Variants in MKNK1 observed in about 807,000 individuals in gnomAD.
MKNK1 encodes the protein MAP kinase-interacting serine/threonine-protein kinase 1.
A neutral mutation model predicts 49.3 loss-of-function variants in MKNK1; 30 were observed. The observed-to-expected ratio is 0.61, with a 90% CI of 0.46 to 0.83. The LOEUF is 0.83. MKNK1 is among the 40% of genes least tolerant of loss of function. The pLI is 0.00. For synonymous variants in MKNK1, 176 were observed against 201.7 expected (o/e 0.87, Z 1.08); for missense variants, 423 against 524.7 (o/e 0.81, Z 1.89).
At chr1:46,566,600 C>T (rs1387916110) in intron 8 of MKNK1, among the ~76,000 whole-genome samples, 1 of 152,236 alleles carries the variant, frequency 6.6e-6, no homozygotes, top group African/African-American at 2.4e-5. Context: ...TATAATCTCA[C>T]CAGCAATGTA....
chr1:46,559,093 C>T (rs1667469898), intron 12 of MKNK1, among the ~76,000 whole-genome samples: 1 of 152,206 alleles, frequency 6.6e-6, no homozygotes, highest in South Asian at 2.1e-4. Flanking sequence ...ACAGGTCTAC[C>T]AGAGGCAGAG....
At position 46,604,194 on chromosome 1, in the gene MKNK1, C is replaced by A. The variant is rs1413059198; in HGVS notation, c.-180G>T. 1 of 152,312 alleles carries A rather than the reference C, an allele frequency of 6.6e-6. No homozygotes were observed. Among genetic ancestry groups the A allele is most frequent in the Non-Finnish European group, 1.5e-5 (1 of 68,094 alleles). 9.4% of individuals were successfully genotyped at this position (152,312 alleles called of 1,614,324 possible). On this transcript the variant is annotated 5_prime_UTR_variant, in exon 1 of 13. Transcript: ENST00000371945. Reference sequence around the variant, plus strand: ...CAGGTCTCGCTTTTACCTTCGCTGGCTCCCGCCGGGGAGCGGTCGCGCGCA... The same window carrying A: ...CAGGTCTCGCTTTTACCTTCGCTGGATCCCGCCGGGGAGCGGTCGCGCGCA...
chr1:46,566,231 T>G (rs1669038400), intron 8 of MKNK1, among the ~76,000 whole-genome samples: 1 of 152,248 alleles, frequency 6.6e-6, no homozygotes, highest in Non-Finnish European at 1.5e-5. Context: ...AGATATTTCA[T>G]ATAAGTAGAT....
At position 46,594,177 on chromosome 1, in the gene MKNK1, G is replaced by T; in HGVS notation, c.-67C>A. The T allele has an allele frequency of 6.2e-7, 1 of 1,602,470 alleles. No homozygotes were observed. On this transcript the variant is annotated 5_prime_UTR_variant, in exon 2 of 13. Transcript: ENST00000371945. ...AACTTGAAATCCCAAATGAAATAAA[G>T]CTCCTGTCAGGAAGTTGGTGTCTTC... is the stretch of plus-strand genomic sequence containing the variant.
At chr1:46,581,198 T>C (rs1431948472) in intron 3 of MKNK1, among the ~76,000 whole-genome samples, 2 of 147,784 alleles carry the variant, frequency 1.4e-5, no homozygotes, top group Non-Finnish European at 3.0e-5. Context: ...AAAAAAAAAG[T>C]TGGGGGAAGA....
chr1:46,587,507 C>T (rs1672743402), intron 2 of MKNK1, among the ~76,000 whole-genome samples: 1 of 152,190 alleles, frequency 6.6e-6, no homozygotes, highest in Non-Finnish European at 1.5e-5. Flanking sequence ...CCCTGTCTAC[C>T]TCACAGGTTG....
chr1:46,588,698 T>G (rs1672926282), intron 2 of MKNK1, among the ~76,000 whole-genome samples: 1 of 151,496 alleles, frequency 6.6e-6, no homozygotes, highest in African/African-American at 2.4e-5. Context: ...TCCCAGCTAT[T>G]CGGGAGGCTG....
In MKNK1 at chr1:46,589,586, G is replaced by A. The variant is rs969573415; in HGVS notation, c.-3+4527C>T. Among the ~76,000 whole-genome samples the A allele has an allele frequency of 7.2e-5, 11 of 152,152 alleles. No homozygotes were observed. The highest frequency in any genetic ancestry group is 2.2e-4 in the African/African-American group (9 of 41,426). On this transcript the variant is annotated intron_variant, in intron 2 of 12. Coordinates refer to ENST00000371945, the MANE Select transcript of MKNK1 (RefSeq NM_001135553.4). The surrounding 1 kb of genome is among the most constrained non-coding windows in gnomAD (Gnocchi z 4.3). The stretch of plus-strand genomic sequence containing the variant: ...CTCTTTGTAAAACCTGTGAGTGAAC[G>A]AGCACTGATGGTACTGAAGGTATAG...
intron 6 of MKNK1, 28 bp from the exon 7 acceptor site, chr1:46,572,195 T>G (rs767591632): frequency 2.5e-6 from 4 of 1,595,516 alleles, no homozygotes; most frequent in Non-Finnish European, 3.4e-6. Flanking sequence ...CATAGAAGAA[T>G]GCCTTTTTGG....
In MKNK1 at chr1:46,572,097, G is replaced by A. The variant is rs549086017; in HGVS notation, c.423C>T (p.Asp141=). Residue 141 remains aspartate (D), a synonymous_variant, in exon 7 of 13, where the codon GAC becomes GAT. Transcript: ENST00000371945. ...NEREASRVVR[D]VAAALDFLHT... is the part of the protein sequence containing the mutation. ...GCAGGAAGTCAAGGGCAGCAGCAAC[G>A]TCCCGCACCACTCGGCTGGCTTCTC... is the stretch of plus-strand genomic sequence containing the variant. 4.3e-6 allele frequency: 7 copies of A among 1,614,052 alleles called. No individual in the cohort carries two copies. Among genetic ancestry groups the A allele is most frequent in the Admixed American group, 1.7e-5 (1 of 60,008 alleles).
chr1:46,568,593 A>G (rs1669518802), intron 7 of MKNK1, 95 bp from the exon 8 acceptor site: 4 of 1,195,158 alleles, frequency 3.3e-6, no homozygotes, highest in Non-Finnish European at 2.5e-6. Context: ...TGTAGTTCGC[A>G]GATTAATTCC....
intron 3 of MKNK1, 90 bp downstream of exon 3, chr1:46,583,138 G>T: frequency 1.0e-6 from 1 of 964,776 alleles, no homozygotes; most frequent in Non-Finnish European, 1.7e-6. Context: ...CTAACTTGAC[G>T]CATTCTGTGA....
chr1:46,572,872 G>C, intron 6 of MKNK1, among the ~76,000 whole-genome samples: 1 of 152,192 alleles, frequency 6.6e-6, no homozygotes, highest in East Asian at 1.9e-4. Flanking sequence ...CCAAACAAGA[G>C]CACAAACTTT....
At chr1:46,591,655 C>G (rs934202673) in intron 2 of MKNK1, among the ~76,000 whole-genome samples, 1 of 152,160 alleles carries the variant, frequency 6.6e-6, no homozygotes, top group Non-Finnish European at 1.5e-5. Flanking sequence ...GCCCACGAGG[C>G]TCTCCAACCC....
chr1:46,586,470 C>T (rs1368284996), intron 2 of MKNK1, among the ~76,000 whole-genome samples: 1 of 152,184 alleles, frequency 6.6e-6, no homozygotes, highest in Non-Finnish European at 1.5e-5. Context: ...TTTATTTGGC[C>T]TTGAGTGCTC....
At chr1:46,587,386 G>A (rs573079838) in intron 2 of MKNK1, among the ~76,000 whole-genome samples, 1 of 152,210 alleles carries the variant, frequency 6.6e-6, no homozygotes, top group African/African-American at 2.4e-5. Flanking sequence ...GGCATCAGGC[G>A]AGCAAGGCAG....
chr1:46,568,755 C>T, intron 7 of MKNK1: 1 of 501,382 alleles, frequency 2.0e-6, no homozygotes, highest in Non-Finnish European at 3.6e-6. Context: ...TCCCAGCCAG[C>T]CTACCCCTCA....
chr1:46,577,077 G>A (rs1184138873), intron 4 of MKNK1, among the ~76,000 whole-genome samples: 1 of 152,226 alleles, frequency 6.6e-6, no homozygotes, highest in Admixed American at 6.5e-5. Context: ...ACCGTGGCGA[G>A]GAGCTAAAGC....
At position 46,561,590 on chromosome 1, in the gene MKNK1, T is replaced by C; in HGVS notation, c.857A>G (p.Asp286Gly). The C allele has an allele frequency of 6.2e-7, 1 of 1,614,204 alleles. No homozygotes were observed. Among genetic ancestry groups the C allele is most frequent in the Non-Finnish European group, 8.5e-7 (1 of 1,180,026 alleles). The change falls in exon 11 of 13, where the codon GAC (aspartate) becomes GGC (glycine). Residue 286 changes from aspartate (D) to glycine (G), a missense_variant. Transcript: ENST00000371945. ...GGCTTCACTGGAGATGTGTGCCCAG[T>C]CCTTGTCAGGAAACTCATACTTGCC... ...QEGKYEFPDK[D>G]WAHISSEAKD...
Sources: gnomAD v4.1 joint callset for allele counts (sites outside exome capture counted in the v4.1 genomes callset) on GRCh38, gnomAD v4.1.1 for gene constraint, Gnocchi (gnomAD v3.1) non-coding constraint, MANE v1.5 for transcripts, NCBI Gene and HGNC (gene_info 2026-07-23, HGNC 2026-07-21) for gene names.